Variants in PXDNL observed in about 807,000 individuals in gnomAD.
PXDNL encodes probable oxidoreductase PXDNL.
Under a neutral mutation model 150.8 loss-of-function variants are expected in PXDNL, and 145 were observed. The observed-to-expected ratio is 0.96, with a 90% CI of 0.84 to 1.10. The LOEUF (loss-of-function observed/expected upper bound fraction) is 1.10, where lower values mean the gene tolerates loss of function less well. Ranked by LOEUF, PXDNL falls within the 50% of genes least tolerant of loss-of-function variation. PXDNL has a pLI of 0.00. For synonymous variants in PXDNL, 757 were observed against 725.7 expected (o/e 1.04, Z -0.69); for missense variants, 2,087 against 1,873.9 (o/e 1.11, Z -2.10).
intron 1 of PXDNL, among the ~76,000 whole-genome samples, chr8:51,798,115 G>A (rs1465028527): frequency 6.6e-6 from 1 of 152,104 alleles, no homozygotes; most frequent in East Asian, 1.9e-4. Flanking sequence ...GGGTAAACTG[G>A]CTAGCCATAT....
chr8:51,576,066 A>G (rs1271127408), intron 3 of PXDNL, among the ~76,000 whole-genome samples: 2 of 120,990 alleles, frequency 1.7e-5, no homozygotes, highest in Non-Finnish European at 1.6e-5. Flanking sequence ...ATGCATAGTT[A>G]TAGTTAAAGA....
chr8:51,660,512 C>T (rs1278960155), intron 1 of PXDNL, among the ~76,000 whole-genome samples: 3 of 152,118 alleles, frequency 2.0e-5, no homozygotes, highest in Non-Finnish European at 4.4e-5. Flanking sequence ...CAGAGAGTGC[C>T]GTCTTACCAG....
At chr8:51,326,158 T>C (rs760416143) in intron 21 of PXDNL, among the ~76,000 whole-genome samples, 2 of 152,226 alleles carry the variant, frequency 1.3e-5, no homozygotes, top group Non-Finnish European at 2.9e-5. Flanking sequence ...AGTCATCTTA[T>C]GTTTGTTTTA....
intron 2 of PXDNL, among the ~76,000 whole-genome samples, chr8:51,642,711 G>C (rs940514307): frequency 5.3e-5 from 8 of 152,160 alleles, no homozygotes; most frequent in Admixed American, 1.3e-4. Context: ...GCAGGAGAAG[G>C]AAATAAAGGG....
rs559656407 is a variant in PXDNL, at chr8:51,372,492, C to T, written c.3693-411G>A. The stretch of plus-strand genomic sequence containing the variant: ...CTCTACCTCCCGAGTTCACGCAACT[C>T]TCCTGCCTCAGCCTCCCAAGTAGCT... On this transcript the variant is annotated intron_variant, in intron 18 of 22. Coordinates refer to ENST00000356297, the MANE Select transcript of PXDNL (RefSeq NM_144651.5). Among the ~76,000 whole-genome samples the T allele has an allele frequency of 2.2e-4, 33 of 152,342 alleles. 1 individual carries two copies. Among genetic ancestry groups the T allele is most frequent in the African/African-American group, 7.7e-4 (32 of 41,582 alleles).
intron 1 of PXDNL, among the ~76,000 whole-genome samples, chr8:51,722,905 T>TG (rs1816756862): frequency 6.6e-6 from 1 of 151,324 alleles, no homozygotes; most frequent in Non-Finnish European, 1.5e-5. Flanking sequence ...AGCTTGGGGG[T>TG]GGGGCCTTTG....
intron 17 of PXDNL, among the ~76,000 whole-genome samples, chr8:51,383,493 G>C (rs996039333): frequency 1.3e-5 from 2 of 152,164 alleles, no homozygotes; most frequent in Non-Finnish European, 2.9e-5. Context: ...AAATACAAAG[G>C]GCGCTGGTAA....
At chr8:51,803,503 T>A (rs1176434162) in intron 1 of PXDNL, among the ~76,000 whole-genome samples, 1 of 152,126 alleles carries the variant, frequency 6.6e-6, no homozygotes, top group African/African-American at 2.4e-5. Flanking sequence ...CACCTCGAGC[T>A]CTGACAGATG....
intron 1 of PXDNL, among the ~76,000 whole-genome samples, chr8:51,747,558 G>T (rs1278756395): frequency 6.6e-6 from 1 of 152,202 alleles, no homozygotes; most frequent in African/African-American, 2.4e-5. Context: ...CCCCTGGAAT[G>T]CCAAGGAGCG....
chr8:51,553,740 T>TTA (rs747698313), intron 4 of PXDNL, among the ~76,000 whole-genome samples: 8,898 of 112,396 alleles, frequency 0.079, 283 homozygotes, highest in East Asian at 0.12. Context: ...GTGAGGGATT[T>TTA]TATATATATA....
At chr8:51,512,445 A>G (rs2130350201) in intron 4 of PXDNL, among the ~76,000 whole-genome samples, 1 of 152,328 alleles carries the variant, frequency 6.6e-6, no homozygotes, top group South Asian at 2.1e-4. Context: ...TAAAGTGAAG[A>G]TCTCTTTGGA....
intron 1 of PXDNL, among the ~76,000 whole-genome samples, chr8:51,803,442 T>G (rs1283340782): frequency 6.6e-6 from 1 of 152,174 alleles, no homozygotes; most frequent in Admixed American, 6.5e-5. Context: ...CAAAATTCAC[T>G]TGACCCTGTC....
intron 17 of PXDNL, among the ~76,000 whole-genome samples, chr8:51,376,267 A>C (rs1194610299): frequency 2.0e-5 from 3 of 152,222 alleles, no homozygotes; most frequent in African/African-American, 7.2e-5. Context: ...ACAGCCTGGA[A>C]CAGACAGGCA....
chr8:51,516,507 CATG>C lies in PXDNL; in HGVS notation c.381-16740_381-16738del, dbSNP rs1262704858. Among the ~76,000 whole-genome samples, 77 of 152,250 alleles carry C rather than the reference CATG, an allele frequency of 5.1e-4. 1 individual carries two copies. The highest frequency in any genetic ancestry group is 1.8e-3 in the African/African-American group (75 of 41,542). On this transcript the variant is annotated intron_variant, in intron 4 of 22. Transcript: ENST00000356297. ...GAGGATTGATAGTCAGAAAATCCAC[CATG>C]ATAAGTAATTAGGGTTTGTTGATGG...
chr8:51,767,777 G>T (rs144587879), intron 1 of PXDNL, among the ~76,000 whole-genome samples: 1 of 152,088 alleles, frequency 6.6e-6, no homozygotes. Context: ...ATTTTTGGCC[G>T]TCCTCTTGTT....
chr8:51,556,990 T>A (rs771034033), intron 3 of PXDNL, 79 bp from the exon 4 acceptor site: 67 of 817,796 alleles, frequency 8.2e-5, no homozygotes, highest in Non-Finnish European at 1.1e-4. Flanking sequence ...TTTTAAACTA[T>A]AAGCTGTGGA....
intron 2 of PXDNL, among the ~76,000 whole-genome samples, chr8:51,641,288 G>A (rs531961831): frequency 6.6e-6 from 1 of 151,302 alleles, no homozygotes; most frequent in South Asian, 2.1e-4. Context: ...CAGGACACAG[G>A]CATGGGCAAG....
At chr8:51,760,845 C>CATTTTTTTTT (rs2037154474) in intron 1 of PXDNL, among the ~76,000 whole-genome samples, 1 of 45,476 alleles carries the variant, frequency 2.2e-5, no homozygotes, top group Non-Finnish European at 3.8e-5. Context: ...ATCACTTAAA[C>CATTTTTTTTT]TTTTTTTTTT....
chr8:51,675,570 G>A lies in PXDNL; in HGVS notation c.165-20810C>T, dbSNP rs543966126. On this transcript the variant is annotated intron_variant, in intron 1 of 22. Transcript: ENST00000356297. ...AGCACTTTGGGAGGCAGAGGCAGGC[G>A]GATCATAAGGTCAGGAGTTCAAGAC... Among the ~76,000 whole-genome samples the A allele has an allele frequency of 1.9e-4, 29 of 151,912 alleles. No individual in the cohort carries two copies. The South Asian group carries it at 3.3e-3, about 18-fold the overall frequency.
Sources: allele counts gnomAD v4.1 joint callset (sites outside exome capture counted in the v4.1 genomes callset), GRCh38; gene constraint gnomAD v4.1.1; transcripts MANE v1.5; gene names NCBI Gene and HGNC (gene_info 2026-07-23, HGNC 2026-07-21).